Variants in SPDYE10 observed in about 807,000 individuals in gnomAD.
SPDYE10 encodes speedy/RINGO cell cycle regulator family member E10.
At chr7:73,115,015 GC>G in the SPDYE10 span, among the ~76,000 whole-genome samples, 1 of 151,808 alleles carries the variant, frequency 6.6e-6, no homozygotes, top group Admixed American at 6.6e-5. Context: ...CCCCACCTCA[GC>G]CTCCCGAGTA....
At chr7:73,137,635 AAAGAAAGG>A in the SPDYE10 span, among the ~76,000 whole-genome samples, 2 of 129,896 alleles carry the variant, frequency 1.5e-5, no homozygotes, top group African/African-American at 3.0e-5. Flanking sequence ...AGAAAGAAAG[AAAGAAAGG>A]AGAAAGAAAG....
the SPDYE10 span, among the ~76,000 whole-genome samples, chr7:73,114,892 G>A: frequency 1.3e-4 from 19 of 145,682 alleles, no homozygotes; most frequent in Non-Finnish European, 2.4e-4. Context: ...GCTCCACAGC[G>A]GGTCATCTGA....
At chr7:73,134,739 G>T in the SPDYE10 span, among the ~76,000 whole-genome samples, 5 of 152,262 alleles carry the variant, frequency 3.3e-5, no homozygotes, top group Admixed American at 2.0e-4. Context: ...GCATGCACCT[G>T]TATTTCCAGC....
chr7:73,137,552 GAGAA>G, the SPDYE10 span, among the ~76,000 whole-genome samples: 6 of 139,040 alleles, frequency 4.3e-5, no homozygotes, highest in Admixed American at 7.6e-5. Flanking sequence ...GAGAAAGAAA[GAGAA>G]AGAAAGAAGA....
the SPDYE10 span, among the ~76,000 whole-genome samples, chr7:73,137,965 C>T: frequency 2.0e-5 from 3 of 146,628 alleles, no homozygotes; most frequent in Admixed American, 1.4e-4. Context: ...GGAAGGGACC[C>T]AGGCTAACAG....
the SPDYE10 span, among the ~76,000 whole-genome samples, chr7:73,129,611 AT>A: frequency 9.5e-6 from 1 of 105,244 alleles, no homozygotes; most frequent in East Asian, 2.5e-4. Context: ...AGTTTAGCAT[AT>A]GTTTTTGTTT....
At chr7:73,111,785 A>T in the SPDYE10 span, among the ~76,000 whole-genome samples, 12 of 12,258 alleles carry the variant, frequency 9.8e-4, no homozygotes, top group Admixed American at 2.7e-3. Flanking sequence ...TTTTTTTTTG[A>T]GATAGCATCT....
chr7:73,117,325 G>A, the SPDYE10 span, among the ~76,000 whole-genome samples: 3,127 of 87,322 alleles, frequency 0.036, no homozygotes, highest in Middle Eastern at 0.067. Flanking sequence ...TGATCCACCC[G>A]CCTCGGCCTC....
At chr7:73,135,324 A>G in the SPDYE10 span, among the ~76,000 whole-genome samples, 6 of 151,842 alleles carry the variant, frequency 4.0e-5, no homozygotes, top group Non-Finnish European at 2.9e-5. Flanking sequence ...TTCCTCCTTC[A>G]TAAGTCAGGA....
At chr7:73,115,287 G>A in the SPDYE10 span, among the ~76,000 whole-genome samples, 2 of 152,150 alleles carry the variant, frequency 1.3e-5, no homozygotes, top group Non-Finnish European at 2.9e-5. Flanking sequence ...TTGAAAAGGA[G>A]GAAACATTTT....
At chr7:73,113,836 C>T in the SPDYE10 span, among the ~76,000 whole-genome samples, 1,510 of 151,506 alleles carry the variant, frequency 1.0e-2, 2 homozygotes, top group African/African-American at 0.035. Flanking sequence ...GAGATCGAGA[C>T]CATCCTGGCT....
At chr7:73,141,175 T>A in the SPDYE10 span, among the ~76,000 whole-genome samples, 13 of 152,244 alleles carry the variant, frequency 8.5e-5, no homozygotes, top group East Asian at 2.3e-3. Context: ...TTAGTTGCAA[T>A]CAACAGAATC....
the SPDYE10 span, among the ~76,000 whole-genome samples, chr7:73,137,688 GGA>G: frequency 1.4e-4 from 9 of 63,174 alleles, no homozygotes; most frequent in East Asian, 4.6e-3. Context: ...GGGAGGGGAG[GGA>G]GAGGGGAAGG....
the SPDYE10 span, among the ~76,000 whole-genome samples, chr7:73,154,631 C>T: frequency 6.7e-6 from 1 of 148,436 alleles, no homozygotes; most frequent in African/African-American, 2.6e-5. Context: ...CTTTACACTC[C>T]AAGCACCTAG....
the SPDYE10 span, among the ~76,000 whole-genome samples, chr7:73,115,011 C>G: frequency 3.3e-5 from 5 of 152,162 alleles, no homozygotes; most frequent in Non-Finnish European, 7.3e-5. Flanking sequence ...ATTCCCCCAC[C>G]TCAGCCTCCC....
chr7:73,137,650 AAAG>A, the SPDYE10 span, among the ~76,000 whole-genome samples: 9 of 133,054 alleles, frequency 6.8e-5, no homozygotes, highest in South Asian at 2.4e-3. Flanking sequence ...AAGGAGAAAG[AAAG>A]AAAAGAGAAA....
At chr7:73,115,136 A>T in the SPDYE10 span, among the ~76,000 whole-genome samples, 2 of 151,240 alleles carry the variant, frequency 1.3e-5, no homozygotes, top group Non-Finnish European at 1.5e-5. Flanking sequence ...CCTCAGATGA[A>T]CCACCCGCCT....
the SPDYE10 span, among the ~76,000 whole-genome samples, chr7:73,114,024 TC>T: frequency 5.9e-5 from 6 of 101,872 alleles, no homozygotes; most frequent in Admixed American, 6.5e-4. Flanking sequence ...TGAGACTCCG[TC>T]TCAAAAAAAA....
At chr7:73,131,338 G>A in the SPDYE10 span, among the ~76,000 whole-genome samples, 1 of 150,230 alleles carries the variant, frequency 6.7e-6, no homozygotes, top group Non-Finnish European at 1.5e-5. Flanking sequence ...ATTCACACTT[G>A]TCCAGGCTTG....
Sources: allele counts gnomAD v4.1 joint callset (sites outside exome capture counted in the v4.1 genomes callset), GRCh38; gene constraint gnomAD v4.1.1; transcripts MANE v1.5; gene names NCBI Gene and HGNC (gene_info 2026-07-23, HGNC 2026-07-21).